CPSF2: variants seen among roughly 807,000 people sequenced by gnomAD.
The protein encoded by CPSF2 is cleavage and polyadenylation specificity factor subunit 2.
Under a neutral mutation model 84.2 loss-of-function variants are expected in CPSF2, and 51 were observed. The observed-to-expected ratio is 0.61, with a 90% CI of 0.48 to 0.77. The LOEUF is 0.77. Among genes scored for constraint, CPSF2 ranks in the 30% least tolerant of loss-of-function variants. The pLI is 0.00. For missense variants in CPSF2, 641 were observed against 929.4 expected (o/e 0.69, Z 4.03); for synonymous variants, 286 against 311.9 (o/e 0.92, Z 0.87).
rs2069485086 is a variant in CPSF2 at position 92,169,006 on chromosome 14, T to C, written c.*7262T>C. On this transcript the variant is annotated 3_prime_UTR_variant, in exon 16 of 16. Coordinates refer to ENST00000298875, the MANE Select transcript of CPSF2 (RefSeq NM_017437.3). ...AATATATAAAGGACTCGTGAGGCCT[T>C]CCTACCTCATTTTCTGAGGTTATGT... is the stretch of plus-strand genomic sequence containing the variant. The C allele has an allele frequency of 6.6e-6, 1 of 152,218 alleles. No individual in the cohort carries two copies. The highest frequency in any genetic ancestry group is 2.4e-5 in the African/African-American group (1 of 41,448). 9.4% of individuals were successfully genotyped at this position (152,218 alleles called of 1,614,324 possible).
chr14:92,142,379 A>G (rs755000577), intron 8 of CPSF2, 28 bp downstream of exon 8: 2 of 1,574,274 alleles, frequency 1.3e-6, no homozygotes, highest in Non-Finnish European at 1.7e-6. Context: ...CACTTGTAAT[A>G]AGTTTGCTAC....
chr14:92,134,949 C>T (rs940117010), intron 5 of CPSF2, among the ~76,000 whole-genome samples: 2 of 152,114 alleles, frequency 1.3e-5, no homozygotes, highest in Admixed American at 6.6e-5. Context: ...GTTAATTTTT[C>T]TGCAGGATAA....
Position 92,134,150 on chromosome 14 carries a change from T to G in CPSF2, c.289T>G (p.Phe97Val). 6.2e-7 allele frequency: 1 copy of G among 1,614,174 alleles called. No homozygotes were observed. Among genetic ancestry groups the G allele is most frequent in the Non-Finnish European group, 8.5e-7 (1 of 1,180,010 alleles). Residue 97 changes from phenylalanine (F) to valine (V), a missense_variant, in exon 4 of 16, where the codon TTC becomes GTC. This residue lies in a region of CPSF2 where 211 missense variants were observed against 375.7 expected (regional missense o/e 0.56). Coordinates refer to ENST00000298875, the MANE Select transcript of CPSF2 (RefSeq NM_017437.3). ...TIPVYKMGQM[F>V]MYDLYQSRHN... is the part of the protein sequence containing the mutation. ...TCCTGTTTATAAAATGGGACAGATG[T>G]TCATGTATGATCTTTATCAGGTAAT...
Position 92,122,075 on chromosome 14 carries a change from A to C in CPSF2, c.-147A>C. ...CGGCTTTTCTACGTCTTGAACCTGG[A>C]TTCGCCTAGGGGTTGGGAAGGGCTG... On this transcript the variant is annotated 5_prime_UTR_variant, in exon 1 of 16. Coordinates refer to ENST00000298875, the MANE Select transcript of CPSF2 (RefSeq NM_017437.3). 2.0e-6 allele frequency: 1 copy of C among 502,864 alleles called. No homozygotes were observed. The highest frequency in any genetic ancestry group is 3.6e-6 in the Non-Finnish European group (1 of 277,974). The allele number at this position is 502,864 out of a possible 1,614,324, so 31.2% of individuals were successfully genotyped here. A position where few individuals can be genotyped will look rare whatever the true frequency, so the allele number is the denominator to read the frequency against.
rs1389833081 is a variant in CPSF2 at position 92,143,274 on chromosome 14, GA to G, written c.1126del (p.Ile376LeufsTer4). The stretch of plus-strand genomic sequence containing the variant: ...ACGTTTCCTAATTGATAATCCTTCT[GA>G]AAAAATTACAGAAATAGAGGTAAGC... ...LARFLIDNPS[E>X]KITEIELRKR... On this transcript the variant is annotated frameshift_variant, in exon 9 of 16. Coordinates refer to ENST00000298875, the MANE Select transcript of CPSF2 (RefSeq NM_017437.3). LOFTEE classifies it high-confidence loss of function. 1 of 1,604,560 alleles carries G rather than the reference GA, an allele frequency of 6.2e-7. No homozygotes were observed. Among genetic ancestry groups the G allele is most frequent in the Non-Finnish European group, 8.5e-7 (1 of 1,175,572 alleles).
Position 92,165,667 on chromosome 14 carries a change from A to G in CPSF2, c.*3923A>G, listed in dbSNP as rs934401588. 6.6e-6 allele frequency: 1 copy of G among 151,542 alleles called. No individual in the cohort carries two copies. The highest frequency in any genetic ancestry group is 6.6e-5 in the Admixed American group (1 of 15,204). The allele number at this position is 151,542 out of a possible 1,614,324, so 9.4% of individuals were successfully genotyped here. Reference sequence around the variant, plus strand: ...CAATTTGTTTATCTTTACTGTTGAGATGTAAGAGTTTTTTTATATATTTTC... The same window carrying G: ...CAATTTGTTTATCTTTACTGTTGAGGTGTAAGAGTTTTTTTATATATTTTC... On this transcript the variant is annotated 3_prime_UTR_variant, in exon 16 of 16. Coordinates refer to ENST00000298875, the MANE Select transcript of CPSF2 (RefSeq NM_017437.3).
chr14:92,150,885 A>G lies in CPSF2; in HGVS notation c.1141-3473A>G, dbSNP rs536923548. Among the ~76,000 whole-genome samples the G allele has an allele frequency of 2.6e-5, 4 of 152,294 alleles. No individual in the cohort carries two copies. In the South Asian group the frequency reaches 8.3e-4, roughly 32 times the overall value. On this transcript the variant is annotated intron_variant, in intron 9 of 15. Transcript: ENST00000298875. ...ATAAAATTCTAATTTTCAAATGAAA[A>G]TTTAGAATTTTGGAAAACTTATACC...
intron 8 of CPSF2, 50 bp downstream of exon 8, chr14:92,142,401 C>G (rs1184302143): frequency 7.2e-7 from 1 of 1,395,312 alleles, no homozygotes; most frequent in East Asian, 2.3e-5. Flanking sequence ...GTGATTGGGT[C>G]TGTGGAAGTG....
At chr14:92,124,256 G>T (rs1012231871) in intron 1 of CPSF2, among the ~76,000 whole-genome samples, 5 of 152,160 alleles carry the variant, frequency 3.3e-5, no homozygotes, top group African/African-American at 1.2e-4. Context: ...GATATTTTGT[G>T]CAAGGAGTGA....
At chr14:92,142,750 C>A (rs1003293747) in intron 8 of CPSF2, among the ~76,000 whole-genome samples, 1 of 152,068 alleles carries the variant, frequency 6.6e-6, no homozygotes, top group African/African-American at 2.4e-5. Context: ...AGAACATATA[C>A]CTTGCCTTTT....
chr14:92,146,663 G>A (rs758340062), intron 9 of CPSF2, among the ~76,000 whole-genome samples: 1 of 152,044 alleles, frequency 6.6e-6, no homozygotes, highest in Non-Finnish European at 1.5e-5. Flanking sequence ...TGTACCTATT[G>A]GATAACAGCT....
intron 9 of CPSF2, among the ~76,000 whole-genome samples, chr14:92,143,981 C>T (rs989109954): frequency 1.3e-5 from 2 of 152,144 alleles, no homozygotes; most frequent in East Asian, 1.9e-4. Context: ...GTTCTTTATC[C>T]TGTAGCCCCC....
intron 2 of CPSF2, 28 bp downstream of exon 2, chr14:92,126,208 T>A (rs1325987271): frequency 2.0e-5 from 3 of 152,254 alleles, no homozygotes; most frequent in Admixed American, 6.5e-5. Flanking sequence ...GATAAAGATA[T>A]AGCTTTATTA....
At position 92,145,529 on chromosome 14, in the gene CPSF2, C is replaced by T. The variant is rs1044419499; in HGVS notation, c.1140+2235C>T. 9.9e-5 allele frequency among the ~76,000 whole-genome samples: 15 copies of T among 152,220 alleles called. 1 individual carries two copies. Among genetic ancestry groups the T allele is most frequent in the African/African-American group, 3.6e-4 (15 of 41,520 alleles). On this transcript the variant is annotated intron_variant, in intron 9 of 15. Transcript: ENST00000298875. ...GTAACTAAAATCTGAGATATATGTA[C>T]TATAATTATAGAATTGTTGAGCAAG... is the stretch of plus-strand genomic sequence containing the variant.
intron 8 of CPSF2, 73 bp from the exon 9 acceptor site, chr14:92,142,931 C>T (rs1382764569): frequency 1.5e-6 from 2 of 1,292,546 alleles, no homozygotes; most frequent in African/African-American, 1.5e-5. Flanking sequence ...ACTTGAATTC[C>T]TTGACTATTA....
At chr14:92,130,118 A>G (rs892370924) in intron 2 of CPSF2, among the ~76,000 whole-genome samples, 2 of 152,206 alleles carry the variant, frequency 1.3e-5, no homozygotes, top group African/African-American at 2.4e-5. Context: ...TTCATCAGAT[A>G]TATGTTGAAG....
chr14:92,153,721 T>TTTATGTG, intron 9 of CPSF2, among the ~76,000 whole-genome samples: 2 of 143,922 alleles, frequency 1.4e-5, no homozygotes, highest in South Asian at 4.5e-4. Flanking sequence ...TTTTTTTTTC[T>TTTATGTG]GAGACAGAGT....
At chr14:92,133,533 C>T (rs554387752) in intron 3 of CPSF2, among the ~76,000 whole-genome samples, 1 of 152,210 alleles carries the variant, frequency 6.6e-6, no homozygotes, top group Admixed American at 6.5e-5. Flanking sequence ...GTGGCATGAT[C>T]TCATCAAGGT....
Position 92,161,736 on chromosome 14 carries a change from A to G in CPSF2, c.2341A>G (p.Ile781Val). The G allele has an allele frequency of 3.8e-6, 6 of 1,560,942 alleles. No individual in the cohort carries two copies. The highest frequency in any genetic ancestry group is 5.2e-6 in the Non-Finnish European group (6 of 1,148,162). The stretch of plus-strand genomic sequence containing the variant: ...AGACCTTTTATATGAACAATATGCC[A>G]TTGTATAAAGGACATGATGTCAAGA... The part of the protein sequence containing the change: ...IRDLLYEQYA[I>V]V The change falls in exon 16 of 16, where the codon ATT (isoleucine) becomes GTT (valine). Residue 781 changes from isoleucine (I) to valine (V), a missense_variant. Physicochemically the swap from Ile to Val is conservative, Grantham distance 29. This residue lies in a region of CPSF2 where 430 missense variants were observed against 553.6 expected (regional missense o/e 0.78). Transcript: ENST00000298875.
Sources: gnomAD v4.1 joint callset for allele counts (sites outside exome capture counted in the v4.1 genomes callset) on GRCh38, gnomAD v4.1.1 for gene constraint, gnomAD v4.1.1 regional missense constraint, MANE v1.5 for transcripts, NCBI Gene and HGNC (gene_info 2026-07-23, HGNC 2026-07-21) for gene names.